ITGA3: variants seen among roughly 807,000 people sequenced by gnomAD.
ITGA3 encodes integrin alpha-3.
Under a neutral mutation model 131.1 loss-of-function variants are expected in ITGA3, and 70 were observed. The observed-to-expected ratio is 0.53, with a 90% CI of 0.44 to 0.65. The LOEUF (loss-of-function observed/expected upper bound fraction) is 0.65. Ranked by LOEUF, ITGA3 falls within the 30% of genes least tolerant of loss-of-function variation. The pLI, the probability that ITGA3 is intolerant of heterozygous loss-of-function variation, is 0.00. For missense variants in ITGA3, 1,098 were observed against 1,388.6 expected, an observed-to-expected ratio of 0.79 and a Z score of 3.33; for synonymous variants, 537 against 571.6, an observed-to-expected ratio of 0.94 and a Z score of 0.86.
intron 1 of ITGA3, among the ~76,000 whole-genome samples, chr17:50,060,556 C>T (rs1444309302): frequency 6.6e-6 from 1 of 152,170 alleles, no homozygotes; most frequent in Non-Finnish European, 1.5e-5. Context: ...AGGGGCTCCG[C>T]AGAGGCCAAG....
chr17:50,065,158 G>T (rs1395266257), intron 3 of ITGA3: 1 of 151,958 alleles, frequency 6.6e-6, no homozygotes, highest in Non-Finnish European at 1.5e-5. Context: ...TGTTGTTGTT[G>T]TTATATTCCA....
chr17:50,080,447 C>T, intron 22 of ITGA3, 72 bp downstream of exon 22: 1 of 783,622 alleles, frequency 1.3e-6, no homozygotes, highest in Middle Eastern at 2.8e-4. Context: ...GAGGGCGAGT[C>T]CAGGGTCATA....
rs529333009 is a variant in ITGA3 at position 50,064,959 on chromosome 17, C to T, written c.414+352C>T. ...CCCCAGGCAGCTCAGCGCTGGCTGG[C>T]GCTCCTTCCTGGGAGGCTGACTGCC... On this transcript the variant is annotated intron_variant, in intron 3 of 25. Transcript: ENST00000320031. This position sits in a 1 kb window ranked among gnomAD's most constrained non-coding sequence, Gnocchi z 4.4. The T allele has an allele frequency of 9.1e-5, 17 of 186,844 alleles. No homozygotes were observed. The highest frequency in any genetic ancestry group is 4.2e-4 in the Admixed American group (7 of 16,718). 11.6% of individuals were successfully genotyped at this position (186,844 alleles called of 1,614,324 possible).
At position 50,056,188 on chromosome 17, in the gene ITGA3, C is replaced by G. The variant is rs1907793720; in HGVS notation, c.-252C>G. ...CCGGGACAAGCTGGGGGCCGGTTGC[C>G]CGGGGCAGGGACGGCGGCGACCCGG... On this transcript the variant is annotated 5_prime_UTR_variant, in exon 1 of 26. Transcript: ENST00000320031. This position sits in a 1 kb window ranked among gnomAD's most constrained non-coding sequence, Gnocchi z 5.6. 2.4e-6 allele frequency: 1 copy of G among 412,786 alleles called. No homozygotes were observed. Among genetic ancestry groups the G allele is most frequent in the Admixed American group, 4.6e-5 (1 of 21,790 alleles). The allele number at this position is 412,786 out of a possible 1,614,324, so 25.6% of individuals were successfully genotyped here.
intron 3 of ITGA3, chr17:50,065,409 A>G (rs1196899248): frequency 6.6e-6 from 1 of 152,234 alleles, no homozygotes; most frequent in Non-Finnish European, 1.5e-5. Flanking sequence ...ATCTGACTAC[A>G]ACTCATTAGC....
At chr17:50,059,615 G>A (rs1423528941) in intron 1 of ITGA3, among the ~76,000 whole-genome samples, 3 of 152,172 alleles carry the variant, frequency 2.0e-5, no homozygotes, top group Admixed American at 2.0e-4. Context: ...TTTTTCCTCT[G>A]GCTCTACCCA....
intron 23 of ITGA3, among the ~76,000 whole-genome samples, chr17:50,082,058 ATG>A (rs903123313): frequency 6.6e-6 from 1 of 152,144 alleles, no homozygotes; most frequent in African/African-American, 2.4e-5. Flanking sequence ...CCCAGCTGGA[ATG>A]CAGTGTAGTC....
chr17:50,068,948 C>G (rs534974836), intron 4 of ITGA3, among the ~76,000 whole-genome samples: 53 of 151,812 alleles, frequency 3.5e-4, no homozygotes, highest in African/African-American at 1.1e-3. Context: ...CCAGGGTTCA[C>G]GCCATTCTCC....
chr17:50,074,343 C>T (rs1908779719), intron 9 of ITGA3, 63 bp downstream of exon 9: 1 of 1,601,582 alleles, frequency 6.2e-7, no homozygotes, highest in African/African-American at 1.3e-5. Flanking sequence ...CACAGATTCC[C>T]ATCTGTGTCC....
chr17:50,068,369 A>T, intron 4 of ITGA3, 64 bp downstream of exon 4: 1 of 1,572,514 alleles, frequency 6.4e-7, no homozygotes, highest in Non-Finnish European at 8.6e-7. Flanking sequence ...CTAGTTAGCC[A>T]CGGGGACAGC....
chr17:50,079,254 T>G lies in ITGA3; in HGVS notation c.2579T>G (p.Leu860Arg). 1 of 1,613,906 alleles carries G rather than the reference T, an allele frequency of 6.2e-7. No homozygotes were observed. The highest frequency in any genetic ancestry group is 8.5e-7 in the Non-Finnish European group (1 of 1,179,850). ...GDLINPLNLT[L>R]SDPGDRPSSP... The stretch of plus-strand genomic sequence containing the variant: ...CTTATCAACCCTCTCAACCTCACTC[T>G]TTCTGTAAGGACACTATCAGGGATA... The change falls in exon 20 of 26, where the codon CTT becomes CGT. Residue 860 changes from leucine (L) to arginine (R), a missense_variant. By Grantham distance (102) the Leu-to-Arg change is moderately radical. Coordinates refer to ENST00000320031, the MANE Select transcript of ITGA3 (RefSeq NM_002204.4).
rs1909603302 is a variant in ITGA3 at position 50,089,249 on chromosome 17, G to A, written c.*171G>A. 5.0e-6 allele frequency: 8 copies of A among 1,613,268 alleles called. No individual in the cohort carries two copies. The highest frequency in any genetic ancestry group is 6.8e-6 in the Non-Finnish European group (8 of 1,179,858). On this transcript the variant is annotated 3_prime_UTR_variant, in exon 26 of 26. Transcript: ENST00000320031. Reference sequence around the variant, plus strand: ...CACTGGGTGACCAGCTGGCAGACTCGGGACCAATACTACTGACGTCCTCCC... The same window carrying A: ...CACTGGGTGACCAGCTGGCAGACTCAGGACCAATACTACTGACGTCCTCCC...
intron 4 of ITGA3, among the ~76,000 whole-genome samples, chr17:50,069,492 C>T (rs1387562713): frequency 6.6e-6 from 1 of 152,070 alleles, no homozygotes; most frequent in African/African-American, 2.4e-5. Flanking sequence ...GTAGGGAGAC[C>T]TTGTCTCTAC....
rs750191749 is a variant in ITGA3 at position 50,068,108 on chromosome 17, G to A, written c.467G>A (p.Arg156Gln). 5.0e-6 allele frequency: 8 copies of A among 1,614,032 alleles called. No individual in the cohort carries two copies. The East Asian group carries it at 6.7e-5, about 13-fold the overall frequency. ...CTGTGGTCAGGGTCAGAAGACCAGC[G>A]GCGCATGGTGGGCAAGTGCTACGTG... ...QVLWSGSEDQRRMVGKCYVRG... is the reference protein window; with the variant it reads ...QVLWSGSEDQQRMVGKCYVRG... Residue 156 changes from arginine to glutamine, a missense_variant, in exon 4 of 26, where the codon CGG (arginine) becomes CAG (glutamine). Physicochemically the swap from Arg to Gln is conservative, Grantham distance 43. This residue lies in a region of ITGA3 where 356 missense variants were observed against 529.2 expected (regional missense o/e 0.67). Transcript: ENST00000320031.
intron 25 of ITGA3, among the ~76,000 whole-genome samples, chr17:50,088,684 C>T (rs1909576485): frequency 6.6e-6 from 1 of 152,180 alleles, no homozygotes; most frequent in Admixed American, 6.5e-5. Context: ...CAGCCATGTC[C>T]AGAATAATTC....
rs990892404 is a variant in ITGA3, at chr17:50,064,477, A to G, written c.335-51A>G. ...CTCCTGCCCTCTGGAGACTTTGGGC[A>G]CTGAAGTATGGGTGAGGTGCTCTGA... On this transcript the variant is annotated intron_variant, in intron 2 of 25. Transcript: ENST00000320031. The surrounding 1 kb of genome is among the most constrained non-coding windows in gnomAD (Gnocchi z 4.4). The G allele has an allele frequency of 3.2e-6, 5 of 1,551,912 alleles. No homozygotes were observed. The African/African-American group carries it at 6.7e-5, about 21-fold the overall frequency.
intron 12 of ITGA3, 89 bp downstream of exon 12, chr17:50,075,824 G>A (rs1908864816): frequency 1.4e-6 from 2 of 1,393,968 alleles, no homozygotes; most frequent in East Asian, 2.3e-5. Flanking sequence ...GAGGGACGGG[G>A]GTCTCCCCAG....
At chr17:50,088,494 A>T in intron 25 of ITGA3, 128 bp downstream of exon 25, 2 of 586,184 alleles carry the variant, frequency 3.4e-6, no homozygotes, top group Non-Finnish European at 6.2e-6. Flanking sequence ...CACCCCAAAG[A>T]TCAGGTCACT....
chr17:50,088,340 G>T lies in ITGA3; in HGVS notation c.*5G>T. 6.4e-7 allele frequency: 1 copy of T among 1,560,476 alleles called. No homozygotes were observed. Among genetic ancestry groups the T allele is most frequent in the African/African-American group, 1.4e-5 (1 of 73,734 alleles). On this transcript the variant is annotated 3_prime_UTR_variant, in exon 25 of 26. Transcript: ENST00000320031. ...AGGCTGACCGACGACTACTGAGGGG[G>T]CAGCCCCCCGCCCCCGGCCCACCTG...
Sources: allele counts gnomAD v4.1 joint callset (sites outside exome capture counted in the v4.1 genomes callset), GRCh38; gene constraint gnomAD v4.1.1; regional missense constraint gnomAD v4.1.1; non-coding constraint Gnocchi (gnomAD v3.1); transcripts MANE v1.5; gene names NCBI Gene and HGNC (gene_info 2026-07-23, HGNC 2026-07-21).